The following IQSEC1 variants were observed in gnomAD, a reference collection of about 807,000 sequenced individuals.
The protein encoded by IQSEC1 is IQ motif and Sec7 domain ArfGEF 1.
Under a neutral mutation model 91.0 loss-of-function variants are expected in IQSEC1, and 31 were observed. That is an observed-to-expected ratio of 0.34 (90% CI 0.26 to 0.46). IQSEC1 has a LOEUF of 0.46. IQSEC1 is among the 20% of genes least tolerant of loss of function. The pLI, the probability that IQSEC1 is intolerant of heterozygous loss-of-function variation, is 1.00. For missense variants in IQSEC1, 1,388 were observed against 1,575.6 expected, an observed-to-expected ratio of 0.88 and a Z score of 2.02; for synonymous variants, 699 against 662.6, an observed-to-expected ratio of 1.05 and a Z score of -0.84.
chr3:13,079,398 T>C (rs1705614620), intron 2 of IQSEC1, among the ~76,000 whole-genome samples: 2 of 152,238 alleles, frequency 1.3e-5, no homozygotes, highest in African/African-American at 4.8e-5. Flanking sequence ...CAGCATGCCT[T>C]GGGCGGTGGT....
intron 2 of IQSEC1, among the ~76,000 whole-genome samples, chr3:13,148,261 C>T (rs554070495): frequency 1.2e-3 from 176 of 152,262 alleles, no homozygotes; most frequent in Non-Finnish European, 1.9e-3. Flanking sequence ...CACTCATCAT[C>T]GCCATCCTCA....
chr3:13,281,675 C>T (rs1454673291), intron 1 of IQSEC1, among the ~76,000 whole-genome samples: 2 of 152,196 alleles, frequency 1.3e-5, no homozygotes, highest in African/African-American at 4.8e-5. Context: ...TCAGGAACCA[C>T]CCCACCTTCT....
At chr3:12,971,092 AAC>A (rs1700868802) in intron 1 of IQSEC1, among the ~76,000 whole-genome samples, 1 of 152,214 alleles carries the variant, frequency 6.6e-6, no homozygotes, top group South Asian at 2.1e-4. Flanking sequence ...GATGAAGTTA[AAC>A]AGTTACAACA....
intron 2 of IQSEC1, among the ~76,000 whole-genome samples, chr3:13,111,006 C>CAGAAAGTGGGTG (rs1376194053): frequency 6.6e-6 from 1 of 152,156 alleles, no homozygotes; most frequent in Non-Finnish European, 1.5e-5. Context: ...GATGAGAGTT[C>CAGAAAGTGGGTG]AGAAAGTGGG....
chr3:13,038,291 T>TATATATATATATAC (rs1576200707), intron 1 of IQSEC1, among the ~76,000 whole-genome samples: 2 of 118,696 alleles, frequency 1.7e-5, no homozygotes, highest in East Asian at 4.7e-4. Context: ...TATATATATA[T>TATATATATATATAC]ATATATAAAA....
chr3:13,210,896 C>T (rs1694432052), intron 1 of IQSEC1, among the ~76,000 whole-genome samples: 2 of 152,212 alleles, frequency 1.3e-5, no homozygotes, highest in Admixed American at 1.3e-4. Context: ...AGGAACATGG[C>T]CAGTCAATGA....
At chr3:13,019,471 C>T (rs561368304) in intron 1 of IQSEC1, among the ~76,000 whole-genome samples, 3 of 152,376 alleles carry the variant, frequency 2.0e-5, no homozygotes, top group East Asian at 1.9e-4. Flanking sequence ...TCCCTGTGGC[C>T]GCCGGCAGCT....
intron 3 of IQSEC1, among the ~76,000 whole-genome samples, chr3:12,933,714 A>G (rs189840582): frequency 2.0e-3 from 301 of 152,348 alleles, no homozygotes; most frequent in African/African-American, 6.7e-3. Context: ...GTTCTTAACC[A>G]TGGCTGTCTA....
At chr3:13,254,259 A>G (rs9851850) in intron 1 of IQSEC1, among the ~76,000 whole-genome samples, 1,597 of 152,312 alleles carry the variant, frequency 0.01, 26 homozygotes, top group South Asian at 0.038. Context: ...CCCGCTCCCC[A>G]TGGCTAGGCC....
Position 12,901,110 on chromosome 3 carries a change from GCATGGGCCCCGTAGGCTGGGTGGCCCC to G in IQSEC1, c.3191_3217del (p.Gly1064_His1072del), listed in dbSNP as rs1667529751. On this transcript the variant is annotated inframe_deletion, in exon 14 of 14. Coordinates refer to ENST00000613206, the MANE Select transcript of IQSEC1 (RefSeq NM_001134382.3). ...CGAGGGCAGCGGCGGGTGGCCGTGG[GCATGGGCCCCGTAGGCTGGGTGGCCCC>G]CATGGGGGCCGTGGTGGTACTGGTG... 1 of 1,540,282 alleles carries G rather than the reference GCATGGGCCCCGTAGGCTGGGTGGCCCC, an allele frequency of 6.5e-7. No homozygotes were observed. Among genetic ancestry groups the G allele is most frequent in the South Asian group, 1.2e-5 (1 of 83,746 alleles).
chr3:13,026,393 G>A lies in IQSEC1; in HGVS notation c.23+46599C>T, dbSNP rs1335281461. 2.6e-5 allele frequency among the ~76,000 whole-genome samples: 4 copies of A among 152,208 alleles called. No homozygotes were observed. In the East Asian group the frequency reaches 7.7e-4, roughly 29 times the overall value. On this transcript the variant is annotated intron_variant, in intron 1 of 13. Coordinates refer to ENST00000613206, the MANE Select transcript of IQSEC1 (RefSeq NM_001134382.3). ...GTGTAGTGACCCATGTTTCCTACCAGGACCCAATGCTCAAGGCTCAAACTC... is the reference window on the plus strand; with the variant it reads ...GTGTAGTGACCCATGTTTCCTACCAAGACCCAATGCTCAAGGCTCAAACTC...
At chr3:12,958,097 C>G (rs527412222) in intron 1 of IQSEC1, among the ~76,000 whole-genome samples, 1 of 152,178 alleles carries the variant, frequency 6.6e-6, no homozygotes, top group Non-Finnish European at 1.5e-5. Flanking sequence ...ATGTTCTTAC[C>G]TCTGTGGGGC....
chr3:13,164,839 G>T (rs1262395184), intron 1 of IQSEC1, among the ~76,000 whole-genome samples: 1 of 152,234 alleles, frequency 6.6e-6, no homozygotes, highest in African/African-American at 2.4e-5. Flanking sequence ...AAGGAGCAAA[G>T]GGCTTTGAGC....
chr3:12,955,470 T>C (rs1251938573), intron 1 of IQSEC1, among the ~76,000 whole-genome samples: 1 of 152,194 alleles, frequency 6.6e-6, no homozygotes, highest in Non-Finnish European at 1.5e-5. Flanking sequence ...AGGGGGCCGA[T>C]GCCAACACCC....
rs1197070763 is a variant in IQSEC1 at position 12,935,195 on chromosome 3, C to T, written c.1568+253G>A. On this transcript the variant is annotated intron_variant, in intron 3 of 13. Transcript: ENST00000613206. The surrounding 1 kb of genome is among the most constrained non-coding windows in gnomAD (Gnocchi z 8.0). ...GAAGGGCCCGGGACTCAAGTTGCTT[C>T]GGCACAGAAAGCTCCCATTCTGCCC... 3.9e-5 allele frequency among the ~76,000 whole-genome samples: 6 copies of T among 152,224 alleles called. No homozygotes were observed. Among genetic ancestry groups the T allele is most frequent in the Non-Finnish European group, 5.9e-5 (4 of 68,038 alleles).
At chr3:13,002,803 G>C (rs764295421) in intron 1 of IQSEC1, among the ~76,000 whole-genome samples, 1 of 152,198 alleles carries the variant, frequency 6.6e-6, no homozygotes, top group Non-Finnish European at 1.5e-5. Context: ...CACTAGGACA[G>C]CTAGAAGCAA....
rs530442585 is a variant in IQSEC1, at chr3:13,020,608, T to G, written c.23+52384A>C. On this transcript the variant is annotated intron_variant, in intron 1 of 13. Coordinates refer to ENST00000613206, the MANE Select transcript of IQSEC1 (RefSeq NM_001134382.3). ...CAGGACCCTGTATATCTCTGTTCTG[T>G]TCTATTTTTCTACCCTAGCTCATGA... Among the ~76,000 whole-genome samples the G allele has an allele frequency of 5.9e-5, 9 of 152,368 alleles. 1 individual carries two copies. The South Asian group carries it at 1.9e-3, about 32-fold the overall frequency.
rs571402890 is a variant in IQSEC1, at chr3:12,979,578, C to T, written c.24-37713G>A. On this transcript the variant is annotated intron_variant, in intron 1 of 13. Coordinates refer to ENST00000613206, the MANE Select transcript of IQSEC1 (RefSeq NM_001134382.3). This position sits in a 1 kb window ranked among gnomAD's most constrained non-coding sequence, Gnocchi z 4.3. ...GGGAATGGGACGTGGAAGGGCGTGG[C>T]GCATAGCTCACTGTGTACCCTTCTG... Among the ~76,000 whole-genome samples, 34 of 152,286 alleles carry T rather than the reference C, an allele frequency of 2.2e-4. No homozygotes were observed. The highest frequency in any genetic ancestry group is 7.7e-4 in the African/African-American group (32 of 41,546).
chr3:13,091,997 C>T (rs1576245846), intron 2 of IQSEC1, among the ~76,000 whole-genome samples: 2 of 152,176 alleles, frequency 1.3e-5, no homozygotes, highest in East Asian at 3.9e-4. Context: ...TGTCCCCAGG[C>T]CCCCCAGGCA....
Sources: gnomAD v4.1 joint callset for allele counts (sites outside exome capture counted in the v4.1 genomes callset) on GRCh38, gnomAD v4.1.1 for gene constraint, Gnocchi (gnomAD v3.1) non-coding constraint, MANE v1.5 for transcripts, NCBI Gene and HGNC (gene_info 2026-07-23, HGNC 2026-07-21) for gene names.